CHRM3: variants seen among roughly 807,000 people sequenced by gnomAD.
CHRM3 encodes the protein muscarinic acetylcholine receptor M3.
Under a neutral mutation model 41.8 loss-of-function variants are expected in CHRM3, and 11 were observed. The ratio of observed to expected loss-of-function variants is 0.26; its 90% confidence interval spans 0.17 to 0.44. CHRM3 has a LOEUF of 0.44. Ranked by LOEUF, CHRM3 falls within the 20% of genes least tolerant of loss-of-function variation. CHRM3 has a pLI of 1.00. For synonymous variants in CHRM3, 297 were observed against 301.4 expected (o/e 0.99, Z 0.15); for missense variants, 571 against 745.4 (o/e 0.77, Z 2.72).
intron 1 of CHRM3, among the ~76,000 whole-genome samples, chr1:239,487,171 G>T (rs772573405): frequency 6.6e-6 from 1 of 152,132 alleles, no homozygotes; most frequent in Non-Finnish European, 1.5e-5. Context: ...TGGAGGAGAA[G>T]TCCCTTGTTT....
intron 3 of CHRM3, among the ~76,000 whole-genome samples, chr1:239,561,322 C>T (rs1660838384): frequency 6.6e-6 from 1 of 152,184 alleles, no homozygotes; most frequent in Non-Finnish European, 1.5e-5. Flanking sequence ...TTGCGGAGCC[C>T]TGTATGGCCA....
intron 3 of CHRM3, among the ~76,000 whole-genome samples, chr1:239,622,733 G>A (rs1668522904): frequency 6.6e-6 from 1 of 152,166 alleles, no homozygotes; most frequent in Non-Finnish European, 1.5e-5. Flanking sequence ...TGAAGATACT[G>A]TGAATATTGT....
intron 1 of CHRM3, among the ~76,000 whole-genome samples, chr1:239,446,638 A>G (rs530653856): frequency 3.7e-4 from 56 of 152,230 alleles, no homozygotes; most frequent in Non-Finnish European, 5.6e-4. Flanking sequence ...TGGCTCATGC[A>G]TGATCAACAA....
chr1:239,705,428 C>T (rs917023621), intron 5 of CHRM3: 1 of 152,194 alleles, frequency 6.6e-6, no homozygotes, highest in East Asian at 1.9e-4. Context: ...AAACTTAGTG[C>T]TTCACAATTC....
chr1:239,585,198 A>G (rs960269974), intron 3 of CHRM3, among the ~76,000 whole-genome samples: 1 of 152,090 alleles, frequency 6.6e-6, no homozygotes, highest in East Asian at 1.9e-4. Context: ...CTAAAAGGAT[A>G]ATAATCTGGA....
At chr1:239,690,032 C>CAG (rs201459737) in intron 5 of CHRM3, among the ~76,000 whole-genome samples, 6,947 of 146,410 alleles carry the variant, frequency 0.047, 272 homozygotes, top group African/African-American at 0.1. Flanking sequence ...GAGAGAGAGA[C>CAG]AGAGAGAGAG....
intron 6 of CHRM3, among the ~76,000 whole-genome samples, chr1:239,900,410 C>T (rs1436435116): frequency 3.4e-5 from 5 of 146,812 alleles, no homozygotes; most frequent in East Asian, 2.0e-4. Flanking sequence ...TCCTTATGAC[C>T]GGCTGATCAC....
intron 4 of CHRM3, among the ~76,000 whole-genome samples, chr1:239,672,526 T>C (rs1313909276): frequency 6.6e-6 from 1 of 151,822 alleles, no homozygotes; most frequent in African/African-American, 2.4e-5. Flanking sequence ...TCAGAGAAGA[T>C]AATCAAATTC....
intron 3 of CHRM3, among the ~76,000 whole-genome samples, chr1:239,577,591 T>C (rs555484705): frequency 1.3e-5 from 2 of 152,356 alleles, no homozygotes; most frequent in Non-Finnish European, 2.9e-5. Flanking sequence ...ATAGCAATTC[T>C]TAACACTGTT....
At chr1:239,469,294 G>A (rs1164394844) in intron 1 of CHRM3, among the ~76,000 whole-genome samples, 1 of 152,130 alleles carries the variant, frequency 6.6e-6, no homozygotes, top group Non-Finnish European at 1.5e-5. Context: ...CCTCCCATAC[G>A]TTGTATGTGA....
chr1:239,782,937 T>A (rs1668612065), intron 5 of CHRM3, among the ~76,000 whole-genome samples: 1 of 152,150 alleles, frequency 6.6e-6, no homozygotes, highest in Non-Finnish European at 1.5e-5. Flanking sequence ...TTATTGTTTT[T>A]TAATTTAGTT....
intron 2 of CHRM3, among the ~76,000 whole-genome samples, chr1:239,500,908 A>G (rs189728971): frequency 3.5e-4 from 53 of 152,346 alleles, no homozygotes; most frequent in African/African-American, 1.2e-3. Context: ...GGACTAACAG[A>G]AACTTAAAGT....
intron 5 of CHRM3, among the ~76,000 whole-genome samples, chr1:239,734,768 A>G (rs2148449830): frequency 6.6e-6 from 1 of 152,224 alleles, no homozygotes; most frequent in African/African-American, 2.4e-5. Context: ...ATGAGTATGC[A>G]GGCAAAATGA....
At chr1:239,431,753 G>A (rs1258250176) in intron 1 of CHRM3, among the ~76,000 whole-genome samples, 1 of 152,132 alleles carries the variant, frequency 6.6e-6, no homozygotes, top group Non-Finnish European at 1.5e-5. Context: ...GCTGAAAAGG[G>A]TACCTTAATC....
intron 4 of CHRM3, among the ~76,000 whole-genome samples, chr1:239,635,809 C>A (rs1331185072): frequency 1.3e-5 from 2 of 152,174 alleles, no homozygotes; most frequent in South Asian, 2.1e-4. Context: ...TATAATGATG[C>A]CTGCCCCCTG....
At chr1:239,753,408 C>A (rs2148595257) in intron 5 of CHRM3, among the ~76,000 whole-genome samples, 1 of 152,170 alleles carries the variant, frequency 6.6e-6, no homozygotes, top group Admixed American at 6.5e-5. Flanking sequence ...GCTGAAAGGC[C>A]TCAGGAAACT....
intron 6 of CHRM3, among the ~76,000 whole-genome samples, chr1:239,829,753 A>G (rs1672751976): frequency 6.6e-6 from 1 of 152,082 alleles, no homozygotes; most frequent in Admixed American, 6.5e-5. Flanking sequence ...ACCTTGGGAA[A>G]ATTACTCACC....
chr1:239,752,966 A>C (rs1465011451), intron 5 of CHRM3, among the ~76,000 whole-genome samples: 2 of 152,216 alleles, frequency 1.3e-5, no homozygotes, highest in Non-Finnish European at 2.9e-5. Flanking sequence ...TGATACTTAC[A>C]TAGAAGAAGA....
chr1:239,460,121 A>G (rs1307452197), intron 1 of CHRM3, among the ~76,000 whole-genome samples: 1 of 152,182 alleles, frequency 6.6e-6, no homozygotes. Context: ...GCTCCAGAAC[A>G]GGTTCTGAAG....
Sources: gnomAD v4.1 joint callset for allele counts (sites outside exome capture counted in the v4.1 genomes callset) on GRCh38, gnomAD v4.1.1 for gene constraint, MANE v1.5 for transcripts, NCBI Gene and HGNC (gene_info 2026-07-23, HGNC 2026-07-21) for gene names.